Variants in NRG1 observed in about 807,000 individuals in gnomAD.
NRG1 encodes the protein neuregulin 1, also known as pro-neuregulin-1, membrane-bound isoform.
Under a neutral mutation model 63.8 loss-of-function variants are expected in NRG1, and 18 were observed. The ratio of observed to expected loss-of-function variants is 0.28; its 90% CI spans 0.19 to 0.42. NRG1 has a LOEUF of 0.42. Among genes scored for constraint, NRG1 ranks in the 10% least tolerant of loss-of-function variants. The pLI, the probability that NRG1 is intolerant of heterozygous loss-of-function variation, is 1.00. For missense variants in NRG1, 762 were observed against 814.7 expected (o/e 0.94, Z 0.79); for synonymous variants, 302 against 301.3 (o/e 1.00, Z -0.02).
At chr8:32,683,498 T>C (rs1448255167) in intron 5 of NRG1, among the ~76,000 whole-genome samples, 1 of 152,144 alleles carries the variant, frequency 6.6e-6, no homozygotes. Flanking sequence ...ATAGTAGCTT[T>C]CATGAAGACA....
At chr8:31,675,783 T>C (rs1039078107) in intron 1 of NRG1, among the ~76,000 whole-genome samples, 14 of 152,290 alleles carry the variant, frequency 9.2e-5, no homozygotes, top group African/African-American at 3.4e-4. Context: ...ATAAATATGA[T>C]CACATTTGGT....
At position 31,945,411 on chromosome 8, in the gene NRG1, A is replaced by T. The variant is rs567374662; in HGVS notation, c.37+305980A>T. Reference sequence around the variant, plus strand: ...CTTCTGTTATAACAGGCTTCCTGTTACTTATATTTTTGCTGTTATACTCTG... The same window carrying T: ...CTTCTGTTATAACAGGCTTCCTGTTTCTTATATTTTTGCTGTTATACTCTG... On this transcript the variant is annotated intron_variant, in intron 1 of 10. Coordinates refer to the NRG1 transcript ENST00000519301. 2.6e-5 allele frequency among the ~76,000 whole-genome samples: 4 copies of T among 152,256 alleles called. No individual in the cohort carries two copies. The East Asian group carries it at 5.8e-4, about 22-fold the overall frequency.
intron 1 of NRG1, among the ~76,000 whole-genome samples, chr8:32,128,310 C>G (rs951710895): frequency 3.9e-5 from 6 of 151,916 alleles, no homozygotes; most frequent in African/African-American, 1.2e-4. Flanking sequence ...TGCCTTCCCC[C>G]TGATGGCAGT....
intron 1 of NRG1, among the ~76,000 whole-genome samples, chr8:32,297,410 G>C (rs1855023613): frequency 6.6e-6 from 1 of 151,746 alleles, no homozygotes. Flanking sequence ...TGAGCAGAGG[G>C]ATGATGTAAT....
intron 1 of NRG1, among the ~76,000 whole-genome samples, chr8:31,862,608 A>T (rs1828567532): frequency 6.6e-6 from 1 of 152,146 alleles, no homozygotes; most frequent in South Asian, 2.1e-4. Flanking sequence ...CTTCCATTTT[A>T]TTTGGTTTTG....
At position 31,923,986 on chromosome 8, in the gene NRG1, C is replaced by T. The variant is rs560322371; in HGVS notation, c.37+284555C>T. 3.3e-4 allele frequency among the ~76,000 whole-genome samples: 51 copies of T among 152,244 alleles called. No individual in the cohort carries two copies. In the South Asian group the frequency reaches 5.6e-3, roughly 17 times the overall value. ...GTGAGAACATGCAGTATGTGTCTTT[C>T]CATGTCTGAATTATTACACTTAAGA... On this transcript the variant is annotated intron_variant, in intron 1 of 10. Transcript: ENST00000519301.
chr8:31,904,746 G>A (rs950328466), intron 1 of NRG1, among the ~76,000 whole-genome samples: 1 of 152,088 alleles, frequency 6.6e-6, no homozygotes, highest in African/African-American at 2.4e-5. Context: ...AGGAACTGGA[G>A]GCCATTATTC....
chr8:31,915,035 A>C (rs1025991873), intron 1 of NRG1, among the ~76,000 whole-genome samples: 45 of 149,798 alleles, frequency 3.0e-4, no homozygotes, highest in African/African-American at 1.0e-3. Flanking sequence ...ATTTTTTGTA[A>C]TTTATTGAAT....
chr8:32,473,915 C>A lies in NRG1; in HGVS notation c.38-121913C>A, dbSNP rs377739769. On this transcript the variant is annotated intron_variant, in intron 1 of 10. Coordinates refer to the NRG1 transcript ENST00000519301. ...TTCCCAAGCTGGTCTTGAACCCTGG[C>A]CTCAAGCAATCCTCCCACCTCAGCT... is the stretch of plus-strand genomic sequence containing the variant. Among the ~76,000 whole-genome samples, 9 of 152,084 alleles carry A rather than the reference C, an allele frequency of 5.9e-5. No individual in the cohort carries two copies. The East Asian group carries it at 1.5e-3, about 26-fold the overall frequency.
intron 1 of NRG1, among the ~76,000 whole-genome samples, chr8:32,089,931 AT>A (rs1828854587): frequency 6.6e-6 from 1 of 152,168 alleles, no homozygotes; most frequent in African/African-American, 2.4e-5. Flanking sequence ...TCTGTTTCTC[AT>A]TTGTCTTTTG....
At chr8:32,412,074 A>G (rs751284772) in intron 1 of NRG1, among the ~76,000 whole-genome samples, 5 of 152,080 alleles carry the variant, frequency 3.3e-5, no homozygotes, top group Non-Finnish European at 7.4e-5. Context: ...CCCCTATGTC[A>G]GTGGACCTCA....
At chr8:32,453,053 A>G (rs1369330718) in intron 1 of NRG1, among the ~76,000 whole-genome samples, 1 of 152,194 alleles carries the variant, frequency 6.6e-6, no homozygotes, top group Non-Finnish European at 1.5e-5. Flanking sequence ...TAACAAAATT[A>G]TGTTAATTTG....
At chr8:31,942,974 T>C (rs949622583) in intron 1 of NRG1, among the ~76,000 whole-genome samples, 1 of 151,862 alleles carries the variant, frequency 6.6e-6, no homozygotes, top group Non-Finnish European at 1.5e-5. Flanking sequence ...ACAACCATTA[T>C]GGAAACTAAA....
chr8:32,587,412 T>C (rs748551721), intron 1 of NRG1, among the ~76,000 whole-genome samples: 3 of 152,102 alleles, frequency 2.0e-5, no homozygotes, highest in African/African-American at 4.8e-5. Context: ...ATACAGAACA[T>C]GAAAACTTCA....
In NRG1 at chr8:31,796,744, G is replaced by A. The variant is rs142897001; in HGVS notation, c.37+157313G>A. The stretch of plus-strand genomic sequence containing the variant: ...GAGCCACTGCGCCCGGCCAGAAGGT[G>A]GAGTGCTATTCTTAACTGTCCTTTT... On this transcript the variant is annotated intron_variant, in intron 1 of 10. Transcript: ENST00000519301. Among the ~76,000 whole-genome samples the A allele has an allele frequency of 6.1e-4, 93 of 152,126 alleles. No homozygotes were observed. The East Asian group carries it at 0.018, about 29-fold the overall frequency.
intron 7 of NRG1, chr8:32,749,497 T>C: frequency 6.5e-7 from 1 of 1,527,004 alleles, no homozygotes; most frequent in East Asian, 2.3e-5. Flanking sequence ...GAGTGCAGTG[T>C]ATTGCTCTTT....
chr8:32,202,119 G>A (rs1843556426), intron 1 of NRG1, among the ~76,000 whole-genome samples: 1 of 152,052 alleles, frequency 6.6e-6, no homozygotes, highest in African/African-American at 2.4e-5. Flanking sequence ...TCCACCAGCT[G>A]ATTTTTATTT....
intron 5 of NRG1, among the ~76,000 whole-genome samples, chr8:32,703,548 A>G (rs1459869895): frequency 6.6e-6 from 1 of 151,974 alleles, no homozygotes; most frequent in Non-Finnish European, 1.5e-5. Flanking sequence ...AAAAAAGAAA[A>G]GAAAAGAAAA....
At chr8:32,632,820 T>G (rs1345465810) in intron 5 of NRG1, among the ~76,000 whole-genome samples, 1 of 152,216 alleles carries the variant, frequency 6.6e-6, no homozygotes, top group Non-Finnish European at 1.5e-5. Flanking sequence ...GATGATAGCT[T>G]GTAAGTTTAA....
Sources: gnomAD v4.1 joint callset for allele counts (sites outside exome capture counted in the v4.1 genomes callset) on GRCh38, gnomAD v4.1.1 for gene constraint, MANE v1.5 for transcripts, NCBI Gene and HGNC (gene_info 2026-07-23, HGNC 2026-07-21) for gene names.